Variants in TRERF1 observed in about 807,000 individuals in gnomAD.
TRERF1 encodes transcriptional regulating factor 1.
Under a neutral mutation model 122.9 loss-of-function variants are expected in TRERF1, and 27 were observed. That is an observed-to-expected ratio of 0.22 (90% confidence interval 0.16 to 0.30). The LOEUF (loss-of-function observed/expected upper bound fraction) is 0.30. Ranked by LOEUF, TRERF1 falls within the 10% of genes least tolerant of loss-of-function variation. The probability of loss-of-function intolerance (pLI) is 1.00; values close to 1 mark genes in which losing one functional copy is unlikely to be tolerated. For missense variants in TRERF1, 1,248 were observed against 1,560.3 expected (o/e 0.80, Z 3.37); for synonymous variants, 636 against 641.7 (o/e 0.99, Z 0.13).
chr6:42,289,343 CAAACAAAAAAA>C (rs1554147288), intron 4 of TRERF1, among the ~76,000 whole-genome samples: 8 of 131,018 alleles, frequency 6.1e-5, no homozygotes, highest in African/African-American at 1.8e-4. Context: ...AAAAAACAAA[CAAACAAAAAAA>C]AAACAAAAAA....
At chr6:42,261,133 G>A (rs1311766276) in intron 8 of TRERF1, among the ~76,000 whole-genome samples, 1 of 152,168 alleles carries the variant, frequency 6.6e-6, no homozygotes, top group African/African-American at 2.4e-5. Context: ...CTGAGGCTGA[G>A]GCGAGAGAGG....
chr6:42,231,813 G>A (rs949131170), intron 17 of TRERF1, among the ~76,000 whole-genome samples: 1 of 152,148 alleles, frequency 6.6e-6, no homozygotes, highest in Admixed American at 6.5e-5. Context: ...CAGAAGCCCA[G>A]GTCTGCATTC....
rs371110168 is a variant in TRERF1 at position 42,431,496 on chromosome 6, G to A, written c.-454+19681C>T. Among the ~76,000 whole-genome samples, 23 of 152,278 alleles carry A rather than the reference G, an allele frequency of 1.5e-4. No individual in the cohort carries two copies. The East Asian group carries it at 1.7e-3, about 11-fold the overall frequency. Reference sequence around the variant, plus strand: ...AGTTTATTAGGTCCAAAGCACCAGCGCTTAATCCTTTCATTCCCTACTGCC... The same window carrying A: ...AGTTTATTAGGTCCAAAGCACCAGCACTTAATCCTTTCATTCCCTACTGCC... On this transcript the variant is annotated intron_variant, in intron 2 of 17. Coordinates refer to ENST00000372922, the Ensembl canonical transcript of TRERF1.
In TRERF1 at chr6:42,422,898, G is replaced by A. The variant is rs562318685; in HGVS notation, c.-454+28279C>T. 2.6e-5 allele frequency among the ~76,000 whole-genome samples: 4 copies of A among 152,178 alleles called. No homozygotes were observed. In the South Asian group the frequency reaches 8.3e-4, roughly 32 times the overall value. The stretch of plus-strand genomic sequence containing the variant: ...CTTGTTGCCCAGGCTGGAGTGCAAT[G>A]GCGCGATCTTGGCTCACCACAACCT... On this transcript the variant is annotated intron_variant, in intron 2 of 17. Coordinates refer to ENST00000372922, the Ensembl canonical transcript of TRERF1.
At chr6:42,346,443 G>C (rs1768301726) in intron 3 of TRERF1, among the ~76,000 whole-genome samples, 2 of 152,196 alleles carry the variant, frequency 1.3e-5, no homozygotes, top group African/African-American at 2.4e-5. Flanking sequence ...GAGCCAACCA[G>C]AGCCAGAGAG....
intron 14 of TRERF1, among the ~76,000 whole-genome samples, chr6:42,246,209 G>A (rs910253975): frequency 2.0e-5 from 3 of 152,188 alleles, no homozygotes; most frequent in Admixed American, 6.5e-5. Context: ...TTTTTATTAA[G>A]ATAGAAAATA....
chr6:42,369,113 G>T (rs1773299493), intron 2 of TRERF1, among the ~76,000 whole-genome samples: 1 of 152,054 alleles, frequency 6.6e-6, no homozygotes, highest in South Asian at 2.1e-4. Context: ...TGCCTACAGG[G>T]TTGAGAACTG....
chr6:42,357,068 C>T (rs1276294422), intron 3 of TRERF1, among the ~76,000 whole-genome samples: 9 of 151,976 alleles, frequency 5.9e-5, no homozygotes, highest in African/African-American at 9.7e-5. Flanking sequence ...CGGTGACTCA[C>T]GCCTGTAATC....
intron 2 of TRERF1, among the ~76,000 whole-genome samples, chr6:42,423,318 A>T (rs1424598329): frequency 6.6e-6 from 1 of 152,230 alleles, no homozygotes; most frequent in African/African-American, 2.4e-5. Flanking sequence ...AAGAAGAGCG[A>T]AAGTGAGGAA....
Position 42,299,116 on chromosome 6 carries a change from C to CTGTATCTATCTATCTATCTA in TRERF1, c.-259+1521_-259+1522insTAGATAGATAGATAGATACA, listed in dbSNP as rs10627056. Among the ~76,000 whole-genome samples, 18 of 141,784 alleles carry CTGTATCTATCTATCTATCTA rather than the reference C, an allele frequency of 1.3e-4. 1 individual carries two copies. In the South Asian group the frequency reaches 3.9e-3, roughly 31 times the overall value. The allele number at this position is 141,784 out of a possible 152,430, so 93.0% of individuals were successfully genotyped here. On this transcript the variant is annotated intron_variant, in intron 4 of 17. Coordinates refer to ENST00000372922, the Ensembl canonical transcript of TRERF1. ...TCTATCTGTCTGTCTGTCTGTCTGT[C>CTGTATCTATCTATCTATCTA]TCTATCTATCTATCTATCTACATAT... is the stretch of plus-strand genomic sequence containing the variant.
At chr6:42,237,027 G>A (rs980815101) in intron 15 of TRERF1, among the ~76,000 whole-genome samples, 1 of 152,224 alleles carries the variant, frequency 6.6e-6, no homozygotes, top group Non-Finnish European at 1.5e-5. Context: ...TATTTGTCAT[G>A]TGCTTTTCCT....
intron 3 of TRERF1, among the ~76,000 whole-genome samples, chr6:42,349,365 G>A (rs1768955727): frequency 6.6e-6 from 1 of 151,950 alleles, no homozygotes; most frequent in Non-Finnish European, 1.5e-5. Flanking sequence ...TCTACCCCTA[G>A]ATTGTTCAAC....
intron 3 of TRERF1, among the ~76,000 whole-genome samples, chr6:42,336,671 C>T (rs879362480): frequency 3.3e-5 from 5 of 152,176 alleles, no homozygotes; most frequent in Non-Finnish European, 5.9e-5. Context: ...GACCGTTCAC[C>T]TCCCAACTTG....
At chr6:42,328,341 C>CA (rs1323034843) in intron 3 of TRERF1, among the ~76,000 whole-genome samples, 7 of 151,844 alleles carry the variant, frequency 4.6e-5, no homozygotes, top group Admixed American at 6.6e-5. Context: ...AACAAACAAA[C>CA]AAAAAAACAA....
chr6:42,395,615 A>G (rs2151292677), intron 2 of TRERF1, among the ~76,000 whole-genome samples: 1 of 152,198 alleles, frequency 6.6e-6, no homozygotes, highest in East Asian at 1.9e-4. Flanking sequence ...GCTACTAGCT[A>G]ATGAAAACTC....
At chr6:42,392,999 C>T (rs375883485) in intron 2 of TRERF1, among the ~76,000 whole-genome samples, 3 of 151,950 alleles carry the variant, frequency 2.0e-5, no homozygotes, top group South Asian at 4.1e-4. Flanking sequence ...CCCACTATGG[C>T]GTTTCAAGCT....
chr6:42,280,597 G>A (rs1444250243), intron 4 of TRERF1, among the ~76,000 whole-genome samples: 3 of 152,288 alleles, frequency 2.0e-5, no homozygotes, highest in East Asian at 3.9e-4. Flanking sequence ...CGTGCCTGAC[G>A]ACATCTCCCC....
intron 2 of TRERF1, among the ~76,000 whole-genome samples, chr6:42,449,419 T>C (rs1278479188): frequency 6.7e-6 from 1 of 149,920 alleles, no homozygotes; most frequent in Non-Finnish European, 1.5e-5. Context: ...TTATGATTCA[T>C]GGGCCTTCAA....
rs112781657 is a variant in TRERF1 at position 42,411,134 on chromosome 6, T to C, written c.-454+40043A>G. 9.6e-3 allele frequency among the ~76,000 whole-genome samples: 1,455 copies of C among 152,250 alleles called. 19 individuals are homozygous for C. The highest frequency in any genetic ancestry group is 0.032 in the African/African-American group (1,343 of 41,546). ...TGCAACTCAGGCATCAGGACATCTA[T>C]TGAAGGTTACTAAGGCTCCATCCAT... On this transcript the variant is annotated intron_variant, in intron 2 of 17. Coordinates refer to ENST00000372922, the Ensembl canonical transcript of TRERF1.
Sources: gnomAD v4.1 joint callset for allele counts (sites outside exome capture counted in the v4.1 genomes callset) on GRCh38, gnomAD v4.1.1 for gene constraint, MANE v1.5 for transcripts, NCBI Gene and HGNC (gene_info 2026-07-23, HGNC 2026-07-21) for gene names.